LRRTM3: variants seen among roughly 807,000 people sequenced by gnomAD.
LRRTM3 encodes leucine rich repeat transmembrane neuronal 3.
In LRRTM3, 24 loss-of-function variants were observed where a neutral mutation model predicts 44.7. The observed-to-expected ratio is 0.54, with a 90% confidence interval of 0.39 to 0.76. The LOEUF (loss-of-function observed/expected upper bound fraction) is 0.76. Ranked by LOEUF, LRRTM3 falls within the 30% of genes least tolerant of loss-of-function variation. LRRTM3 has a pLI of 0.00. For synonymous variants in LRRTM3, 277 were observed against 278.7 expected, an observed-to-expected ratio of 0.99 and a Z score of 0.06; for missense variants, 587 against 702.2, an observed-to-expected ratio of 0.84 and a Z score of 1.85.
At position 67,051,482 on chromosome 10, in the gene LRRTM3, C is replaced by T. The variant is rs77343273; in HGVS notation, c.1537-46105C>T. On this transcript the variant is annotated intron_variant, in intron 2 of 2. Coordinates refer to ENST00000361320, the MANE Select transcript of LRRTM3 (RefSeq NM_178011.5). ...TTTTTTCTTTTTTTTTTTTTGGTGACGGAGTCTCACCCTGTCACCGAGGCT... is the reference window on the plus strand; with the variant it reads ...TTTTTTCTTTTTTTTTTTTTGGTGATGGAGTCTCACCCTGTCACCGAGGCT... Among the ~76,000 whole-genome samples the T allele has an allele frequency of 0.01, 1,524 of 145,744 alleles. 59 individuals are homozygous for T. The East Asian group carries it at 0.14, about 14-fold the overall frequency.
At chr10:67,016,278 G>A (rs969071415) in intron 2 of LRRTM3, among the ~76,000 whole-genome samples, 2 of 152,186 alleles carry the variant, frequency 1.3e-5, no homozygotes, top group Non-Finnish European at 2.9e-5. Flanking sequence ...ATGTACTGAG[G>A]AAGTTGGCAG....
intron 2 of LRRTM3, among the ~76,000 whole-genome samples, chr10:66,956,834 G>A (rs552295078): frequency 7.9e-5 from 12 of 152,312 alleles, no homozygotes; most frequent in African/African-American, 2.4e-4. Context: ...CCAATATTCC[G>A]TTTAATCCTA....
chr10:66,964,263 A>G (rs1849280110), intron 2 of LRRTM3, among the ~76,000 whole-genome samples: 1 of 150,578 alleles, frequency 6.6e-6, no homozygotes, highest in African/African-American at 2.4e-5. Flanking sequence ...AGGATTCTAC[A>G]TTGAAGAGCA....
chr10:66,970,262 A>C (rs1381505650), intron 2 of LRRTM3, among the ~76,000 whole-genome samples: 1 of 152,164 alleles, frequency 6.6e-6, no homozygotes. Context: ...TGTCAGTCAT[A>C]AGGATGGCTA....
At chr10:66,983,825 C>T (rs1850580773) in intron 2 of LRRTM3, among the ~76,000 whole-genome samples, 1 of 152,140 alleles carries the variant, frequency 6.6e-6, no homozygotes, top group South Asian at 2.1e-4. Context: ...TAAAAATGTA[C>T]CATTCTAGGG....
At chr10:67,074,572 G>C (rs943458392) in intron 2 of LRRTM3, among the ~76,000 whole-genome samples, 1 of 151,618 alleles carries the variant, frequency 6.6e-6, no homozygotes, top group Non-Finnish European at 1.5e-5. Flanking sequence ...GGATGGTCTC[G>C]ATCTCCTGAC....
At chr10:66,947,012 T>C (rs952213006) in intron 2 of LRRTM3, among the ~76,000 whole-genome samples, 1 of 152,168 alleles carries the variant, frequency 6.6e-6, no homozygotes, top group Non-Finnish European at 1.5e-5. Flanking sequence ...ACTGAGGTAA[T>C]CATCTTTTTA....
chr10:67,093,006 T>C (rs1857748291), intron 2 of LRRTM3, among the ~76,000 whole-genome samples: 2 of 151,994 alleles, frequency 1.3e-5, no homozygotes, highest in African/African-American at 4.8e-5. Flanking sequence ...CCCCTGAATC[T>C]CCACAATTCA....
At chr10:66,965,155 G>A (rs1033348767) in intron 2 of LRRTM3, among the ~76,000 whole-genome samples, 7 of 152,148 alleles carry the variant, frequency 4.6e-5, no homozygotes, top group Non-Finnish European at 7.4e-5. Flanking sequence ...TGGGAGCCAC[G>A]GTGGAAGGCA....
intron 2 of LRRTM3, among the ~76,000 whole-genome samples, chr10:66,964,137 A>G (rs886163443): frequency 6.6e-6 from 1 of 152,104 alleles, no homozygotes; most frequent in Non-Finnish European, 1.5e-5. Context: ...GGTGTGAGCC[A>G]CCGCACCCAG....
chr10:66,952,663 A>C (rs1269468719), intron 2 of LRRTM3, among the ~76,000 whole-genome samples: 1 of 152,064 alleles, frequency 6.6e-6, no homozygotes, highest in African/African-American at 2.4e-5. Flanking sequence ...ATAGTCAGGT[A>C]AATTGAGGAT....
At chr10:66,931,345 C>A (rs1381424454) in intron 2 of LRRTM3, among the ~76,000 whole-genome samples, 1 of 152,130 alleles carries the variant, frequency 6.6e-6, no homozygotes, top group Non-Finnish European at 1.5e-5. Flanking sequence ...CATAGTGCTA[C>A]CACAGCATGT....
intron 2 of LRRTM3, among the ~76,000 whole-genome samples, chr10:67,064,284 C>T (rs1036185848): frequency 6.6e-6 from 1 of 152,132 alleles, no homozygotes; most frequent in Non-Finnish European, 1.5e-5. Context: ...TCTGAAGCTA[C>T]ACTATGTATT....
intron 2 of LRRTM3, among the ~76,000 whole-genome samples, chr10:66,931,072 T>C (rs1300032479): frequency 1.3e-5 from 2 of 151,894 alleles, no homozygotes; most frequent in Non-Finnish European, 2.9e-5. Context: ...GGACTACATA[T>C]CATAAATCTA....
intron 2 of LRRTM3, among the ~76,000 whole-genome samples, chr10:67,017,213 A>G (rs1015796709): frequency 5.3e-5 from 8 of 152,212 alleles, no homozygotes; most frequent in Admixed American, 2.0e-4. Context: ...TTTAACTAAT[A>G]TTCATTGAGG....
intron 2 of LRRTM3, among the ~76,000 whole-genome samples, chr10:67,022,848 G>T (rs1403612789): frequency 6.6e-6 from 1 of 152,158 alleles, no homozygotes; most frequent in African/African-American, 2.4e-5. Context: ...TGAGGCAGGA[G>T]AATAGCTTGA....
intron 2 of LRRTM3, among the ~76,000 whole-genome samples, chr10:66,983,252 G>GC (rs1850547202): frequency 6.6e-6 from 1 of 151,998 alleles, no homozygotes; most frequent in Admixed American, 6.6e-5. Flanking sequence ...TTCCATCCTA[G>GC]CCCCCTCCCA....
chr10:66,978,526 C>CAAAAAA lies in LRRTM3; in HGVS notation c.1536+50096_1536+50101dup, dbSNP rs1170594360. ...TGGATGATAGAGTGAGACTCCATCTCAAAAAAAAAAAAAAAAAAAAAAAAA... is the reference window on the plus strand; with the variant it reads ...TGGATGATAGAGTGAGACTCCATCTCAAAAAAAAAAAAAAAAAAAAAAAAAAAAAAA... On this transcript the variant is annotated intron_variant, in intron 2 of 2. Coordinates refer to ENST00000361320, the MANE Select transcript of LRRTM3 (RefSeq NM_178011.5). 2.4e-4 allele frequency among the ~76,000 whole-genome samples: 10 copies of CAAAAAA among 42,322 alleles called. 1 individual carries two copies. The highest frequency in any genetic ancestry group is 8.2e-4 in the African/African-American group (8 of 9,748). 27.8% of individuals were successfully genotyped at this position (42,322 alleles called of 152,430 possible).
chr10:66,964,307 G>A (rs1393239846), intron 2 of LRRTM3, among the ~76,000 whole-genome samples: 1 of 149,794 alleles, frequency 6.7e-6, no homozygotes, highest in East Asian at 2.0e-4. Flanking sequence ...TTTCAATCTA[G>A]ATGTTTACAT....
Sources: gnomAD v4.1 joint callset for allele counts (sites outside exome capture counted in the v4.1 genomes callset) on GRCh38, gnomAD v4.1.1 for gene constraint, MANE v1.5 for transcripts, NCBI Gene and HGNC (gene_info 2026-07-23, HGNC 2026-07-21) for gene names.